SLC17A6: variants seen among roughly 807,000 people sequenced by gnomAD.
SLC17A6 encodes solute carrier family 17 member 6.
A neutral mutation model predicts 67.1 loss-of-function variants in SLC17A6; 35 were observed. That is an observed-to-expected ratio of 0.52 (90% CI 0.40 to 0.69). SLC17A6 has a LOEUF of 0.69. SLC17A6 is among the 30% of genes least tolerant of loss of function. The probability of loss-of-function intolerance (pLI) is 0.00; values close to 1 mark genes in which losing one functional copy is unlikely to be tolerated. For missense variants in SLC17A6, 588 were observed against 723.9 expected (o/e 0.81, Z 2.15); for synonymous variants, 285 against 252.3 (o/e 1.13, Z -1.23).
At chr11:22,342,685 C>T (rs1470924088) in intron 2 of SLC17A6, among the ~76,000 whole-genome samples, 1 of 152,152 alleles carries the variant, frequency 6.6e-6, no homozygotes, top group African/African-American at 2.4e-5. Context: ...CCCTTTACTC[C>T]TCCCATTTCA....
At chr11:22,375,530 G>T (rs1271101063) in intron 9 of SLC17A6, among the ~76,000 whole-genome samples, 1 of 151,810 alleles carries the variant, frequency 6.6e-6, no homozygotes, top group Admixed American at 6.6e-5. Flanking sequence ...GCCCAGGCTG[G>T]AGTGCGATGG....
At chr11:22,354,486 T>G (rs567842368) in intron 3 of SLC17A6, among the ~76,000 whole-genome samples, 1 of 152,366 alleles carries the variant, frequency 6.6e-6, no homozygotes, top group Admixed American at 6.5e-5. Context: ...CTTTCATAAA[T>G]GACCCTCTCC....
At chr11:22,345,025 C>G (rs1305812486) in intron 3 of SLC17A6, among the ~76,000 whole-genome samples, 1 of 151,826 alleles carries the variant, frequency 6.6e-6, no homozygotes, top group Admixed American at 6.6e-5. Flanking sequence ...GATACAAGAT[C>G]TCAATATGAT....
In SLC17A6 at chr11:22,378,770, T is replaced by G. The variant is rs926486058; in HGVS notation, c.*1030T>G. 6.6e-6 allele frequency: 1 copy of G among 152,134 alleles called. No individual in the cohort carries two copies. The highest frequency in any genetic ancestry group is 1.5e-5 in the Non-Finnish European group (1 of 67,978). 9.4% of individuals were successfully genotyped at this position (152,134 alleles called of 1,614,324 possible). A position where few individuals can be genotyped will look rare whatever the true frequency, so the allele number is the denominator to read the frequency against. On this transcript the variant is annotated 3_prime_UTR_variant, in exon 12 of 12. Transcript: ENST00000263160. ...ATAGAGATATTGTAAGTAGGTAATTTTATTATTTAAAGTCCTATTAAGAAA... is the reference window on the plus strand; with the variant it reads ...ATAGAGATATTGTAAGTAGGTAATTGTATTATTTAAAGTCCTATTAAGAAA...
chr11:22,341,446 G>T (rs1344075392), intron 1 of SLC17A6, 82 bp from the exon 2 acceptor site: 25 of 1,544,750 alleles, frequency 1.6e-5, no homozygotes. Flanking sequence ...CAACCCCGAC[G>T]GGTCCTGAAA....
In SLC17A6 at chr11:22,341,600, C is replaced by T. The variant is rs756613386; in HGVS notation, c.159C>T (p.Pro53=). The T allele has an allele frequency of 3.1e-6, 5 of 1,613,870 alleles. No homozygotes were observed. In the African/African-American group the frequency reaches 4.0e-5, roughly 13 times the overall value. ...AGGATGGGAAGCCCCTAGAGGTGCC[C>T]GAGAGGAAGGCGCCGCTGTGCGACT... ...LTEDGKPLEV[P]ERKAPLCDCT... Residue 53 remains proline (P), a synonymous_variant, in exon 2 of 12, where the codon CCC becomes CCT. Transcript: ENST00000263160.
chr11:22,365,216 C>T (rs1856097457), intron 6 of SLC17A6, among the ~76,000 whole-genome samples: 1 of 152,160 alleles, frequency 6.6e-6, no homozygotes, highest in South Asian at 2.1e-4. Flanking sequence ...ATATTTCTCT[C>T]ACTTAACCAG....
intron 7 of SLC17A6, among the ~76,000 whole-genome samples, chr11:22,366,587 A>G (rs919713755): frequency 6.6e-6 from 1 of 152,210 alleles, no homozygotes; most frequent in Non-Finnish European, 1.5e-5. Context: ...CTTCTGATTT[A>G]CCTAAAAAAG....
intron 11 of SLC17A6, among the ~76,000 whole-genome samples, 173 bp downstream of exon 11, chr11:22,376,845 A>G (rs1440505115): frequency 6.6e-6 from 1 of 152,190 alleles, no homozygotes; most frequent in African/African-American, 2.4e-5. Context: ...TAAGAATTCC[A>G]AGAAAGTCCA....
chr11:22,361,035 C>T (rs1856046831), intron 5 of SLC17A6, 51 bp downstream of exon 5: 13 of 1,512,398 alleles, frequency 8.6e-6, no homozygotes, highest in Non-Finnish European at 8.2e-6. Flanking sequence ...TTAGGAACAA[C>T]TTGAATAAGA....
intron 8 of SLC17A6, 43 bp downstream of exon 8, chr11:22,370,231 T>C (rs1407652031): frequency 1.3e-6 from 2 of 1,511,364 alleles, no homozygotes; most frequent in Non-Finnish European, 8.9e-7. Flanking sequence ...ATTACCTGTG[T>C]ATTTAAGTGA....
At chr11:22,362,144 G>A in intron 5 of SLC17A6, 1 of 280,120 alleles carries the variant, frequency 3.6e-6, no homozygotes, top group Non-Finnish European at 7.3e-6. Context: ...AGAATTGTCA[G>A]TATGTTTTAA....
In SLC17A6 at chr11:22,338,638, T is replaced by C. The variant is rs764999715; in HGVS notation, c.86+19T>C. On this transcript the variant is annotated intron_variant, in intron 1 of 11. Coordinates refer to ENST00000263160, the MANE Select transcript of SLC17A6 (RefSeq NM_020346.3). ...TCTACAGGTAAGACAAAGCGAACACTTGCTTACCTGGGGCTCAGCATGAAA... is the reference window on the plus strand; with the variant it reads ...TCTACAGGTAAGACAAAGCGAACACCTGCTTACCTGGGGCTCAGCATGAAA... 1.9e-6 allele frequency: 3 copies of C among 1,582,318 alleles called. No homozygotes were observed. Among genetic ancestry groups the C allele is most frequent in the South Asian group, 1.1e-5 (1 of 89,710 alleles).
At position 22,339,153 on chromosome 11, in the gene SLC17A6, T is replaced by TTA. The variant is rs1281998573; in HGVS notation, c.86+544_86+545dup. On this transcript the variant is annotated intron_variant, in intron 1 of 11. Coordinates refer to ENST00000263160, the MANE Select transcript of SLC17A6 (RefSeq NM_020346.3). ...TGTTATATATATATGTTATATATAG[T>TTA]TATATATATATGTTATATATATATG... 3.8e-4 allele frequency among the ~76,000 whole-genome samples: 10 copies of TTA among 26,380 alleles called. 2 individuals carry two copies. The East Asian group carries it at 7.9e-3, about 21-fold the overall frequency. The allele number at this position is 26,380 out of a possible 152,430, so 17.3% of individuals were successfully genotyped here.
intron 3 of SLC17A6, among the ~76,000 whole-genome samples, chr11:22,349,871 C>T (rs530364735): frequency 6.6e-6 from 1 of 152,176 alleles, no homozygotes; most frequent in African/African-American, 2.4e-5. Flanking sequence ...GATTAAACAG[C>T]CTGAGTCAGT....
chr11:22,356,112 C>T (rs1031997549), intron 3 of SLC17A6, among the ~76,000 whole-genome samples: 1 of 152,144 alleles, frequency 6.6e-6, no homozygotes, highest in African/African-American at 2.4e-5. Context: ...CACTTTGTTT[C>T]AATTTCCTTA....
intron 3 of SLC17A6, 108 bp downstream of exon 3, chr11:22,343,473 G>A (rs1300100858): frequency 9.0e-6 from 8 of 887,174 alleles, no homozygotes; most frequent in African/African-American, 3.4e-5. Context: ...GAGGACTCCC[G>A]GGCGAAGTCT....
At position 22,360,992 on chromosome 11, in the gene SLC17A6, C is replaced by T. The variant is rs1337828855; in HGVS notation, c.661+8C>T. The stretch of plus-strand genomic sequence containing the variant: ...CAACCACCTCCTTTTGTGGTGAGTA[C>T]TGTGTGCAGATGCAGCTATGGTGGC... On this transcript the variant is annotated splice_region_variant and intron_variant, in intron 5 of 11. Coordinates refer to ENST00000263160, the MANE Select transcript of SLC17A6 (RefSeq NM_020346.3). 6.2e-7 allele frequency: 1 copy of T among 1,609,476 alleles called. No individual in the cohort carries two copies. Among genetic ancestry groups the T allele is most frequent in the Admixed American group, 1.7e-5 (1 of 59,918 alleles).
intron 1 of SLC17A6, 46 bp downstream of exon 1, chr11:22,338,665 A>C (rs1855764319): frequency 7.2e-7 from 1 of 1,397,204 alleles, no homozygotes; most frequent in Non-Finnish European, 1.0e-6. Context: ...AGCATGAAAA[A>C]ATCTGCAGGG....
Sources: gnomAD v4.1 joint callset for allele counts (sites outside exome capture counted in the v4.1 genomes callset) on GRCh38, gnomAD v4.1.1 for gene constraint, MANE v1.5 for transcripts, NCBI Gene and HGNC (gene_info 2026-07-23, HGNC 2026-07-21) for gene names.